MTFR2: variants seen among roughly 807,000 people sequenced by gnomAD.
MTFR2 encodes the protein DUF729 domain-containing protein 1.
MTFR2 carries 44 observed loss-of-function variants against 41.2 expected under a neutral mutation model. That is an observed-to-expected ratio of 1.07 (90% CI 0.84 to 1.37). The LOEUF (loss-of-function observed/expected upper bound fraction) is 1.37, where lower values mean the gene tolerates loss of function less well. Among genes scored for constraint, MTFR2 ranks in the 40% most tolerant of loss-of-function variants. MTFR2 has a pLI of 0.00. For synonymous variants in MTFR2, 141 were observed against 154.6 expected (o/e 0.91, Z 0.65); for missense variants, 452 against 459.5 (o/e 0.98, Z 0.15).
intron 5 of MTFR2, among the ~76,000 whole-genome samples, chr6:136,240,830 G>C (rs535897387): frequency 6.6e-6 from 1 of 152,170 alleles, no homozygotes; most frequent in Non-Finnish European, 1.5e-5. Flanking sequence ...GGTGGCTCAC[G>C]CCTGTAATCC....
chr6:136,233,216 T>C (rs759788250), intron 7 of MTFR2, 109 bp downstream of exon 7: 8 of 874,680 alleles, frequency 9.1e-6, no homozygotes, highest in Non-Finnish European at 1.4e-5. Context: ...TAAACAATTA[T>C]ATAGCCCATT....
chr6:136,237,161 G>A (rs1779928437), intron 6 of MTFR2, among the ~76,000 whole-genome samples: 1 of 152,214 alleles, frequency 6.6e-6, no homozygotes, highest in East Asian at 1.9e-4. Context: ...GGAAAATCCT[G>A]TAGCCCAAAA....
At chr6:136,247,083 C>T (rs767585877) in intron 2 of MTFR2, among the ~76,000 whole-genome samples, 9 of 152,224 alleles carry the variant, frequency 5.9e-5, no homozygotes, top group African/African-American at 1.4e-4. Context: ...GGCGCAGGGG[C>T]TCACGCCTGT....
intron 6 of MTFR2, among the ~76,000 whole-genome samples, chr6:136,234,474 A>C (rs906608348): frequency 3.9e-5 from 6 of 152,174 alleles, no homozygotes; most frequent in African/African-American, 1.4e-4. Context: ...CTGGGGCTGC[A>C]TCAGGAAGGA....
At chr6:136,232,338 T>A (rs1050348298) in intron 7 of MTFR2, among the ~76,000 whole-genome samples, 2 of 152,102 alleles carry the variant, frequency 1.3e-5, no homozygotes. Flanking sequence ...CACTGCAACC[T>A]CCACCTCCCG....
At chr6:136,237,970 G>A (rs1026525104) in intron 6 of MTFR2, among the ~76,000 whole-genome samples, 2 of 152,242 alleles carry the variant, frequency 1.3e-5, no homozygotes, top group Admixed American at 6.5e-5. Flanking sequence ...AGAGGTAAGC[G>A]AAGGAAATCC....
intron 2 of MTFR2, among the ~76,000 whole-genome samples, chr6:136,246,667 A>C (rs2128459474): frequency 6.6e-6 from 1 of 152,236 alleles, no homozygotes; most frequent in East Asian, 1.9e-4. Flanking sequence ...CCTACCAAGC[A>C]TGGATTTTCT....
intron 6 of MTFR2, among the ~76,000 whole-genome samples, chr6:136,237,548 A>T (rs1779939632): frequency 6.6e-6 from 1 of 152,196 alleles, no homozygotes; most frequent in Non-Finnish European, 1.5e-5. Context: ...GTGGTGGCTC[A>T]CACCTGTAAT....
intron 2 of MTFR2, among the ~76,000 whole-genome samples, chr6:136,246,111 C>T (rs1266071012): frequency 3.9e-5 from 6 of 152,178 alleles, no homozygotes; most frequent in Admixed American, 1.3e-4. Flanking sequence ...GCTACCATGA[C>T]GGCTACCTAT....
At chr6:136,235,451 T>C (rs1209646240) in intron 6 of MTFR2, among the ~76,000 whole-genome samples, 2 of 152,038 alleles carry the variant, frequency 1.3e-5, no homozygotes, top group Non-Finnish European at 2.9e-5. Flanking sequence ...AGCTGGTATT[T>C]AGAGTCATAG....
intron 3 of MTFR2, 26 bp downstream of exon 3, chr6:136,244,739 T>C (rs772803551): frequency 4.7e-6 from 7 of 1,500,326 alleles, no homozygotes; most frequent in Non-Finnish European, 6.5e-6. Flanking sequence ...ACTTGGTACT[T>C]AAACAATTTA....
In MTFR2 at chr6:136,240,903, A is replaced by G. The variant is rs372720922; in HGVS notation, c.514+541T>C. The stretch of plus-strand genomic sequence containing the variant: ...TCAGGAGATCGAGACCATCCTGGCT[A>G]ACACGGTGAAACCCCGTCTCTACTA... On this transcript the variant is annotated intron_variant, in intron 5 of 7. Transcript: ENST00000420702. Among the ~76,000 whole-genome samples the G allele has an allele frequency of 2.8e-3, 430 of 152,208 alleles. 3 individuals are homozygous for G. The highest frequency in any genetic ancestry group is 9.2e-3 in the African/African-American group (382 of 41,494).
At chr6:136,238,812 A>G (rs1479287204) in intron 6 of MTFR2, among the ~76,000 whole-genome samples, 1 of 152,148 alleles carries the variant, frequency 6.6e-6, no homozygotes, top group East Asian at 1.9e-4. Context: ...CACACCTGTA[A>G]TCCCAGCGCT....
intron 6 of MTFR2, among the ~76,000 whole-genome samples, chr6:136,237,104 TA>T: frequency 6.6e-6 from 1 of 152,288 alleles, no homozygotes; most frequent in East Asian, 1.9e-4. Context: ...ACCCGCTGTG[TA>T]ATCCCCATCC....
At chr6:136,246,310 G>A (rs1465859524) in intron 2 of MTFR2, among the ~76,000 whole-genome samples, 4 of 151,074 alleles carry the variant, frequency 2.6e-5, no homozygotes, top group African/African-American at 9.7e-5. Context: ...TTGAGATGGG[G>A]TCTCACTCTG....
At position 136,231,077 on chromosome 6, in the gene MTFR2, G is replaced by C. The variant is rs1779739487; in HGVS notation, c.*198C>G. 1 of 508,000 alleles carries C rather than the reference G, an allele frequency of 2.0e-6. No homozygotes were observed. The allele number at this position is 508,000 out of a possible 1,614,324, so 31.5% of individuals were successfully genotyped here. A position where few individuals can be genotyped will look rare whatever the true frequency, so the allele number is the denominator to read the frequency against. On this transcript the variant is annotated 3_prime_UTR_variant, in exon 8 of 8. Coordinates refer to ENST00000420702, the MANE Select transcript of MTFR2 (RefSeq NM_001099286.3). ...TTTAAGCTCTATGTACAGAAGAACA[G>C]AGTATAAACGTAAAAAGGAACAAAG...
rs1780283442 is a variant in MTFR2, at chr6:136,248,698, A to G, written c.63+339T>C. ...CCTCTTTCCATTAGATTTATTCTGGATTTATTGAGCTTTAAATATTGAACT... is the reference window on the plus strand; with the variant it reads ...CCTCTTTCCATTAGATTTATTCTGGGTTTATTGAGCTTTAAATATTGAACT... On this transcript the variant is annotated intron_variant, in intron 2 of 7. Coordinates refer to ENST00000420702, the MANE Select transcript of MTFR2 (RefSeq NM_001099286.3). The G allele has an allele frequency of 1.9e-5, 5 of 269,420 alleles. No individual in the cohort carries two copies. In the South Asian group the frequency reaches 2.4e-4, roughly 13 times the overall value. The allele number at this position is 269,420 out of a possible 1,614,324, so 16.7% of individuals were successfully genotyped here.
intron 6 of MTFR2, among the ~76,000 whole-genome samples, chr6:136,234,304 C>CA (rs1192464627): frequency 0.11 from 6,307 of 55,820 alleles, 470 homozygotes; most frequent in African/African-American, 0.28. Flanking sequence ...CACCCTGTCT[C>CA]AAAAAAAAAA....
chr6:136,236,686 C>G (rs1424176751), intron 6 of MTFR2, among the ~76,000 whole-genome samples: 1 of 152,074 alleles, frequency 6.6e-6, no homozygotes, highest in African/African-American at 2.4e-5. Flanking sequence ...TTCCTCTTCA[C>G]AAGGATTTCA....
Sources: gnomAD v4.1 joint callset for allele counts (sites outside exome capture counted in the v4.1 genomes callset) on GRCh38, gnomAD v4.1.1 for gene constraint, MANE v1.5 for transcripts, NCBI Gene and HGNC (gene_info 2026-07-23, HGNC 2026-07-21) for gene names.